ASB2: variants seen among roughly 807,000 people sequenced by gnomAD.
The protein encoded by ASB2 is ankyrin repeat and SOCS box protein 2.
In ASB2, 58 loss-of-function variants were observed where a neutral mutation model predicts 62.4. The observed-to-expected ratio is 0.93, with a 90% CI of 0.75 to 1.16. ASB2 has a LOEUF of 1.16. Among genes scored for constraint, ASB2 ranks in the 50% most tolerant of loss-of-function variants. The pLI, the probability that ASB2 is intolerant of heterozygous loss-of-function variation, is 0.00. For synonymous variants in ASB2, 386 were observed against 385.3 expected (o/e 1.00, Z -0.02); for missense variants, 928 against 887.9 (o/e 1.05, Z -0.57).
chr14:93,938,839 C>T (rs1390345227), intron 8 of ASB2, among the ~76,000 whole-genome samples: 1 of 152,236 alleles, frequency 6.6e-6, no homozygotes, highest in East Asian at 1.9e-4. Context: ...ACCGGTTCCG[C>T]TGCCTCCAAA....
At chr14:93,942,193 C>T (rs771989152) in intron 7 of ASB2, 1 of 456,066 alleles carries the variant, frequency 2.2e-6, no homozygotes, top group South Asian at 1.5e-5. Flanking sequence ...TCCCACTTCT[C>T]CCACAGGCAC....
chr14:93,955,645 T>G (rs1427483436), intron 3 of ASB2: 1 of 161,430 alleles, frequency 6.2e-6, no homozygotes, highest in Non-Finnish European at 1.4e-5. Context: ...TGCAGTGTCG[T>G]GAGAACACTT....
chr14:93,956,410 C>G (rs895785128), intron 3 of ASB2, among the ~76,000 whole-genome samples: 3 of 152,236 alleles, frequency 2.0e-5, no homozygotes, highest in Non-Finnish European at 4.4e-5. Context: ...CCAAGCTCTC[C>G]TGGGCCTCTG....
intron 2 of ASB2, among the ~76,000 whole-genome samples, chr14:93,962,557 C>T (rs1263574229): frequency 3.3e-5 from 5 of 152,164 alleles, no homozygotes; most frequent in Admixed American, 3.3e-4. Context: ...GAAATGGTCT[C>T]AATTCTCTAG....
intron 8 of ASB2, among the ~76,000 whole-genome samples, chr14:93,938,518 G>A (rs1039080827): frequency 2.0e-5 from 3 of 152,130 alleles, no homozygotes; most frequent in Admixed American, 2.0e-4. Context: ...GGGATTACAG[G>A]CGTGAGCCAC....
intron 7 of ASB2, among the ~76,000 whole-genome samples, chr14:93,943,247 GACC>G (rs1239365549): frequency 6.6e-6 from 1 of 152,206 alleles, no homozygotes; most frequent in Non-Finnish European, 1.5e-5. Context: ...TTGGTATCTT[GACC>G]ACCACCACAA....
At chr14:93,940,992 G>A (rs1409329333) in intron 7 of ASB2, among the ~76,000 whole-genome samples, 3 of 152,276 alleles carry the variant, frequency 2.0e-5, no homozygotes, top group South Asian at 2.1e-4. Context: ...AATATATCCC[G>A]GGGTTTTGCA....
At chr14:93,942,596 C>G (rs1888569080) in intron 7 of ASB2, among the ~76,000 whole-genome samples, 1 of 152,234 alleles carries the variant, frequency 6.6e-6, no homozygotes, top group Non-Finnish European at 1.5e-5. Context: ...TGCCATACCA[C>G]CTGGCCCTGG....
At chr14:93,951,268 T>C in intron 5 of ASB2, 24 bp from the exon 6 acceptor site, 2 of 1,574,354 alleles carry the variant, frequency 1.3e-6, no homozygotes, top group Non-Finnish European at 1.7e-6. Context: ...GAAGCAGGGA[T>C]GGTCAGCAGG....
chr14:93,941,960 T>C (rs544318412), intron 7 of ASB2, among the ~76,000 whole-genome samples: 1 of 152,226 alleles, frequency 6.6e-6, no homozygotes, highest in African/African-American at 2.4e-5. Context: ...AGGCTTGGGG[T>C]GGGGAACAGA....
intron 9 of ASB2, among the ~76,000 whole-genome samples, chr14:93,935,703 G>A (rs1023389995): frequency 6.6e-6 from 1 of 152,196 alleles, no homozygotes; most frequent in Admixed American, 6.5e-5. Context: ...TGTGGAGCAA[G>A]GGCGGAGGGC....
intron 7 of ASB2, among the ~76,000 whole-genome samples, chr14:93,942,486 T>C (rs1427381018): frequency 6.6e-6 from 1 of 152,234 alleles, no homozygotes. Context: ...CACTGGGCTC[T>C]TGTCTTGTTC....
chr14:93,954,542 C>G, intron 3 of ASB2, 59 bp from the exon 4 acceptor site: 2 of 1,540,196 alleles, frequency 1.3e-6, no homozygotes, highest in Non-Finnish European at 1.8e-6. Flanking sequence ...GCCAGGGGGC[C>G]TCTCTCTCAG....
intron 2 of ASB2, among the ~76,000 whole-genome samples, chr14:93,962,082 G>A (rs977438615): frequency 2.0e-5 from 3 of 151,756 alleles, no homozygotes; most frequent in Non-Finnish European, 4.4e-5. Flanking sequence ...GTGCATTTGG[G>A]GGGAGAAGAA....
chr14:93,967,657 A>G (rs1446956210), intron 1 of ASB2, among the ~76,000 whole-genome samples: 1 of 151,936 alleles, frequency 6.6e-6, no homozygotes, highest in Non-Finnish European at 1.5e-5. Flanking sequence ...TTTTCCGCAG[A>G]TTTTTCAGTT....
In ASB2 at chr14:93,964,536, C is replaced by G. The variant is rs781100649; in HGVS notation, c.4G>C (p.Ala2Pro). The G allele has an allele frequency of 2.6e-6, 4 of 1,535,906 alleles. No individual in the cohort carries two copies. The South Asian group carries it at 4.8e-5, about 18-fold the overall frequency. Residue 2 changes from alanine (A) to proline (P), a missense_variant, in exon 2 of 10, where the codon GCC becomes CCC. Physicochemically the swap from Ala to Pro is conservative, Grantham distance 27 (BLOSUM62 -1). Coordinates refer to ENST00000555019, the MANE Select transcript of ASB2 (RefSeq NM_001202429.2). Reference sequence around the variant, plus strand: ...CTGCCCCGAGTGCTGATCTGCGTGGCCATCCTCCTCCACCTCTCACCCTGG... The same window carrying G: ...CTGCCCCGAGTGCTGATCTGCGTGGGCATCCTCCTCCACCTCTCACCCTGG... M[A>P]TQISTRGSQC...
rs191742448 is a variant in ASB2 at position 93,948,703 on chromosome 14, C to T, written c.881-1183G>A. Reference sequence around the variant, plus strand: ...ATCCCAGCACTTTGGGAGGCCAAGGCGGGCAGATCACTTGAGCTCAGGAAT... The same window carrying T: ...ATCCCAGCACTTTGGGAGGCCAAGGTGGGCAGATCACTTGAGCTCAGGAAT... On this transcript the variant is annotated intron_variant, in intron 6 of 9. Coordinates refer to ENST00000555019, the MANE Select transcript of ASB2 (RefSeq NM_001202429.2). Among the ~76,000 whole-genome samples the T allele has an allele frequency of 3.2e-3, 483 of 151,430 alleles. 2 individuals carry two copies. Among genetic ancestry groups the T allele is most frequent in the African/African-American group, 0.01 (412 of 40,706 alleles).
In ASB2 at chr14:93,964,535, G is replaced by T. The variant is rs551243819; in HGVS notation, c.5C>A (p.Ala2Asp). ...GCTGCCCCGAGTGCTGATCTGCGTGGCCATCCTCCTCCACCTCTCACCCTG... is the reference window on the plus strand; with the variant it reads ...GCTGCCCCGAGTGCTGATCTGCGTGTCCATCCTCCTCCACCTCTCACCCTG... M[A>D]TQISTRGSQC... The change falls in exon 2 of 10, where the codon GCC becomes GAC. Residue 2 changes from alanine to aspartate, a missense_variant. By Grantham distance (126) the Ala-to-Asp change is moderately radical. Transcript: ENST00000555019. The T allele has an allele frequency of 2.6e-6, 4 of 1,535,914 alleles. No homozygotes were observed. The African/African-American group carries it at 5.5e-5, about 21-fold the overall frequency.
At chr14:93,955,046 T>C (rs1889128453) in intron 3 of ASB2, 1 of 456,780 alleles carries the variant, frequency 2.2e-6, no homozygotes, top group Admixed American at 2.3e-5. Context: ...CTTGGCTTGT[T>C]AAAGTCCCTT....
Sources: gnomAD v4.1 joint callset for allele counts (sites outside exome capture counted in the v4.1 genomes callset) on GRCh38, gnomAD v4.1.1 for gene constraint, MANE v1.5 for transcripts, NCBI Gene and HGNC (gene_info 2026-07-23, HGNC 2026-07-21) for gene names.